ELMO1: variants seen among roughly 807,000 people sequenced by gnomAD.
ELMO1 encodes engulfment and cell motility 1.
Under a neutral mutation model 98.9 loss-of-function variants are expected in ELMO1, and 26 were observed. The observed-to-expected ratio is 0.26, with a 90% CI of 0.19 to 0.36. ELMO1 has a LOEUF of 0.36. Ranked by LOEUF, ELMO1 falls within the 10% of genes least tolerant of loss-of-function variation. The pLI is 1.00. For missense variants in ELMO1, 627 were observed against 935.2 expected, an observed-to-expected ratio of 0.67 and a Z score of 4.30; for synonymous variants, 346 against 346.0, an observed-to-expected ratio of 1.00 and a Z score of 0.00.
chr7:37,252,418 A>G (rs1264745198), intron 6 of ELMO1, among the ~76,000 whole-genome samples: 1 of 152,192 alleles, frequency 6.6e-6, no homozygotes, highest in Non-Finnish European at 1.5e-5. Flanking sequence ...GACCTCAGAA[A>G]TAATGCCACA....
intron 15 of ELMO1, among the ~76,000 whole-genome samples, chr7:37,030,649 A>C (rs1467548306): frequency 1.3e-5 from 2 of 152,168 alleles, no homozygotes; most frequent in Admixed American, 6.5e-5. Flanking sequence ...GCTCACTAAT[A>C]CTGGAGAAGA....
intron 20 of ELMO1, among the ~76,000 whole-genome samples, chr7:36,869,984 G>A (rs1803373952): frequency 6.6e-6 from 1 of 152,226 alleles, no homozygotes; most frequent in African/African-American, 2.4e-5. Context: ...AGGATATTAA[G>A]AGCATGATTA....
intron 15 of ELMO1, among the ~76,000 whole-genome samples, chr7:37,079,667 C>A (rs944116811): frequency 3.9e-5 from 6 of 152,138 alleles, no homozygotes; most frequent in Non-Finnish European, 5.9e-5. Flanking sequence ...AGTTCTCAGT[C>A]CTCATTTAAC....
At chr7:37,072,437 T>C (rs942916083) in intron 15 of ELMO1, among the ~76,000 whole-genome samples, 10 of 119,600 alleles carry the variant, frequency 8.4e-5, no homozygotes, top group African/African-American at 3.3e-4. Flanking sequence ...TGTGGAACTG[T>C]AAGTTCATTA....
intron 14 of ELMO1, among the ~76,000 whole-genome samples, chr7:37,101,673 T>C (rs191874506): frequency 1.6e-4 from 25 of 152,182 alleles, no homozygotes; most frequent in Middle Eastern, 3.4e-3. Flanking sequence ...GCTGCTGGTA[T>C]AGCCTGCCTC....
intron 16 of ELMO1, among the ~76,000 whole-genome samples, chr7:36,998,992 T>C (rs1438532596): frequency 6.6e-6 from 1 of 151,962 alleles, no homozygotes; most frequent in African/African-American, 2.4e-5. Context: ...GAAGACAGCA[T>C]GTGAGAGGAA....
intron 1 of ELMO1, among the ~76,000 whole-genome samples, chr7:37,425,093 A>G (rs150285521): frequency 6.6e-6 from 1 of 152,138 alleles, no homozygotes; most frequent in Non-Finnish European, 1.5e-5. Flanking sequence ...TTCTTAGTCA[A>G]TTCAGGATGC....
intron 16 of ELMO1, among the ~76,000 whole-genome samples, chr7:36,950,208 A>C (rs1787856792): frequency 6.6e-6 from 1 of 152,166 alleles, no homozygotes. Flanking sequence ...GCGACTCCTG[A>C]CTGGGTGGAT....
Position 37,259,293 on chromosome 7 carries a change from G to A in ELMO1, c.301C>T (p.Leu101=), listed in dbSNP as rs1445644923. ...RIQSSSMDAK[L]EALKDLASLS... ...CTGGCCAAGTCCTTCAGGGCTTCCAGCTTGGCATCCATACTCGAGGACTGG... is the reference window on the plus strand; with the variant it reads ...CTGGCCAAGTCCTTCAGGGCTTCCAACTTGGCATCCATACTCGAGGACTGG... The change falls in exon 6 of 22, where the codon CTG becomes TTG. Residue 101 remains leucine, a synonymous_variant. Coordinates refer to ENST00000310758, the MANE Select transcript of ELMO1 (RefSeq NM_014800.11). The A allele has an allele frequency of 6.2e-7, 1 of 1,614,164 alleles. No individual in the cohort carries two copies. The highest frequency in any genetic ancestry group is 1.1e-5 in the South Asian group (1 of 91,084).
intron 15 of ELMO1, among the ~76,000 whole-genome samples, chr7:37,062,229 G>C (rs777825741): frequency 1.3e-5 from 2 of 152,212 alleles, no homozygotes; most frequent in Admixed American, 6.5e-5. Context: ...TATCTAACCT[G>C]ATAGGCCTTT....
At chr7:37,102,313 C>T (rs951279117) in intron 14 of ELMO1, among the ~76,000 whole-genome samples, 3 of 152,176 alleles carry the variant, frequency 2.0e-5, no homozygotes, top group Admixed American at 6.5e-5. Flanking sequence ...GGGGGCTGCA[C>T]AAGAAGTTAA....
At chr7:36,959,806 G>A (rs1204052410) in intron 16 of ELMO1, among the ~76,000 whole-genome samples, 2 of 152,018 alleles carry the variant, frequency 1.3e-5, no homozygotes, top group East Asian at 1.9e-4. Flanking sequence ...TCAGCCTCCC[G>A]AGTAGCTGGG....
At chr7:37,405,003 A>G (rs1803694508) in intron 1 of ELMO1, among the ~76,000 whole-genome samples, 1 of 152,226 alleles carries the variant, frequency 6.6e-6, no homozygotes, top group African/African-American at 2.4e-5. Context: ...ATTTGCCAGA[A>G]TAAGGCGTTT....
At chr7:37,399,611 C>T (rs1309183668) in intron 1 of ELMO1, among the ~76,000 whole-genome samples, 1 of 152,196 alleles carries the variant, frequency 6.6e-6, no homozygotes, top group African/African-American at 2.4e-5. Context: ...ATTCAACATG[C>T]AACATGCTTT....
At chr7:37,175,255 A>G (rs1790439853) in intron 13 of ELMO1, among the ~76,000 whole-genome samples, 1 of 152,214 alleles carries the variant, frequency 6.6e-6, no homozygotes, top group Non-Finnish European at 1.5e-5. Flanking sequence ...AATTTTGAAT[A>G]CGGGCTTCAT....
chr7:37,246,520 A>G (rs60969465), intron 6 of ELMO1, among the ~76,000 whole-genome samples: 11,780 of 152,102 alleles, frequency 0.077, 764 homozygotes, highest in East Asian at 0.17. Context: ...GAAATGGGGG[A>G]AAAAAAATCA....
chr7:36,884,478 T>C (rs1362600881), intron 18 of ELMO1, among the ~76,000 whole-genome samples: 1 of 152,150 alleles, frequency 6.6e-6, no homozygotes, highest in Non-Finnish European at 1.5e-5. Flanking sequence ...TTATCCCCAT[T>C]TGAAAGACGA....
intron 21 of ELMO1, among the ~76,000 whole-genome samples, chr7:36,857,065 G>A (rs766340504): frequency 4.6e-5 from 7 of 152,110 alleles, no homozygotes; most frequent in East Asian, 1.9e-4. Flanking sequence ...GCACATCAGC[G>A]GTCCTCCTTT....
chr7:37,097,319 T>C (rs922742082), intron 14 of ELMO1, among the ~76,000 whole-genome samples: 11 of 152,098 alleles, frequency 7.2e-5, no homozygotes, highest in East Asian at 3.8e-4. Context: ...GGGCGGATCA[T>C]TGGAGGTCAG....
Sources: allele counts gnomAD v4.1 joint callset (sites outside exome capture counted in the v4.1 genomes callset), GRCh38; gene constraint gnomAD v4.1.1; transcripts MANE v1.5; gene names NCBI Gene and HGNC (gene_info 2026-07-23, HGNC 2026-07-21).